SEMA5A: variants seen among roughly 807,000 people sequenced by gnomAD.
SEMA5A encodes semaphorin-5A.
Under a neutral mutation model 135.5 loss-of-function variants are expected in SEMA5A, and 55 were observed. The observed-to-expected ratio is 0.41, with a 90% CI of 0.33 to 0.51. The LOEUF (loss-of-function observed/expected upper bound fraction) is 0.51. Among genes scored for constraint, SEMA5A ranks in the 20% least tolerant of loss-of-function variants. The pLI, the probability that SEMA5A is intolerant of heterozygous loss-of-function variation, is 0.37. For synonymous variants in SEMA5A, 580 were observed against 546.5 expected (o/e 1.06, Z -0.85); for missense variants, 1,290 against 1,419.9 (o/e 0.91, Z 1.47).
Position 9,048,981 on chromosome 5 carries a change from T to C in SEMA5A, c.2893+1429A>G, listed in dbSNP as rs140667522. Among the ~76,000 whole-genome samples, 922 of 152,252 alleles carry C rather than the reference T, an allele frequency of 6.1e-3. 3 individuals are homozygous for C. Among genetic ancestry groups the C allele is most frequent in the Non-Finnish European group, 9.0e-3 (613 of 68,022 alleles). The stretch of plus-strand genomic sequence containing the variant: ...TGGGGTCTCTGATGATATGATTGCT[T>C]GTCAGAGGGGCTGGGACTGCGTGGG... On this transcript the variant is annotated intron_variant, in intron 21 of 22. Transcript: ENST00000382496.
At chr5:9,362,100 G>A (rs190691598) in intron 3 of SEMA5A, among the ~76,000 whole-genome samples, 40 of 152,184 alleles carry the variant, frequency 2.6e-4, no homozygotes, top group Non-Finnish European at 5.0e-4. Flanking sequence ...CGTCTTGGGG[G>A]GTGAATCTGC....
intron 2 of SEMA5A, among the ~76,000 whole-genome samples, chr5:9,416,992 C>A (rs1298741736): frequency 6.6e-6 from 1 of 152,174 alleles, no homozygotes; most frequent in Admixed American, 6.5e-5. Context: ...ATTGGTAAGA[C>A]CAGAATCTCT....
At chr5:9,256,161 A>G (rs1327163788) in intron 5 of SEMA5A, among the ~76,000 whole-genome samples, 2 of 152,078 alleles carry the variant, frequency 1.3e-5, no homozygotes, top group African/African-American at 4.8e-5. Context: ...TTCCTCTATG[A>G]CTCACCCAAA....
chr5:9,268,315 A>T (rs187387173), intron 5 of SEMA5A, among the ~76,000 whole-genome samples: 35 of 152,262 alleles, frequency 2.3e-4, no homozygotes, highest in African/African-American at 7.9e-4. Flanking sequence ...AACCTAGAGA[A>T]TCAACTTCCA....
rs145913672 is a variant in SEMA5A at position 9,493,792 on chromosome 5, T to G, written c.-175+51792A>C. On this transcript the variant is annotated intron_variant, in intron 1 of 22. Coordinates refer to ENST00000382496, the MANE Select transcript of SEMA5A (RefSeq NM_003966.3). ...CTATCAGGAAGATGTCAGCAAAACA[T>G]GAAGTGACACACACCAGCAGCCTCT... is the stretch of plus-strand genomic sequence containing the variant. Among the ~76,000 whole-genome samples, 166 of 152,268 alleles carry G rather than the reference T, an allele frequency of 1.1e-3. 1 individual carries two copies. The highest frequency in any genetic ancestry group is 0.01 in the Admixed American group (153 of 15,282).
intron 3 of SEMA5A, among the ~76,000 whole-genome samples, chr5:9,364,586 A>G (rs780026713): frequency 6.6e-6 from 1 of 152,210 alleles, no homozygotes; most frequent in East Asian, 1.9e-4. Flanking sequence ...ATATTATTTA[A>G]TCAGACCAAA....
intron 3 of SEMA5A, among the ~76,000 whole-genome samples, chr5:9,346,439 C>T (rs1449451256): frequency 6.6e-6 from 1 of 152,280 alleles, no homozygotes; most frequent in South Asian, 2.1e-4. Flanking sequence ...CACAAAAGGG[C>T]CTGCTGAGCT....
chr5:9,394,788 T>C (rs553866612), intron 2 of SEMA5A, among the ~76,000 whole-genome samples: 1 of 152,236 alleles, frequency 6.6e-6, no homozygotes, highest in East Asian at 1.9e-4. Flanking sequence ...TTATAAGTAG[T>C]ATGGCACATC....
intron 3 of SEMA5A, among the ~76,000 whole-genome samples, chr5:9,358,576 T>C (rs2126356407): frequency 6.6e-6 from 1 of 152,350 alleles, no homozygotes; most frequent in East Asian, 1.9e-4. Flanking sequence ...GGTGCGCTGC[T>C]ATGTCCTACA....
At position 9,533,347 on chromosome 5, in the gene SEMA5A, C is replaced by T. The variant is rs537257558; in HGVS notation, c.-175+12237G>A. Among the ~76,000 whole-genome samples the T allele has an allele frequency of 5.3e-5, 8 of 152,256 alleles. No individual in the cohort carries two copies. In the South Asian group the frequency reaches 1.0e-3, roughly 20 times the overall value. Reference sequence around the variant, plus strand: ...AGGAAAGGAGTCAAATTTCATGATACGGAATTTTCGAGTTTGTCCATAAGA... The same window carrying T: ...AGGAAAGGAGTCAAATTTCATGATATGGAATTTTCGAGTTTGTCCATAAGA... On this transcript the variant is annotated intron_variant, in intron 1 of 22. Coordinates refer to ENST00000382496, the MANE Select transcript of SEMA5A (RefSeq NM_003966.3).
At chr5:9,158,245 T>C (rs1376620613) in intron 11 of SEMA5A, among the ~76,000 whole-genome samples, 1 of 152,158 alleles carries the variant, frequency 6.6e-6, no homozygotes, top group Non-Finnish European at 1.5e-5. Flanking sequence ...TATTAGTCAG[T>C]GTGAAGGTGA....
intron 12 of SEMA5A, among the ~76,000 whole-genome samples, chr5:9,142,430 T>A (rs554342370): frequency 2.6e-5 from 4 of 152,292 alleles, no homozygotes; most frequent in Non-Finnish European, 5.9e-5. Context: ...GTCCTTGGGC[T>A]CCACTAAAGA....
intron 9 of SEMA5A, 61 bp from the exon 10 acceptor site, chr5:9,197,364 C>G: frequency 6.3e-7 from 1 of 1,579,760 alleles, no homozygotes; most frequent in Middle Eastern, 2.2e-4. Context: ...GCTGACCTCC[C>G]CCTATGGACT....
chr5:9,161,316 G>T (rs1743242789), intron 11 of SEMA5A, among the ~76,000 whole-genome samples: 1 of 152,102 alleles, frequency 6.6e-6, no homozygotes, highest in African/African-American at 2.4e-5. Context: ...TGAGGTTTAG[G>T]AGGTAGGAAC....
intron 5 of SEMA5A, among the ~76,000 whole-genome samples, chr5:9,299,994 C>G (rs190242850): frequency 9.9e-4 from 150 of 151,988 alleles, no homozygotes; most frequent in African/African-American, 3.5e-3. Context: ...AAAACACGAA[C>G]AAAAAGAAAA....
intron 2 of SEMA5A, among the ~76,000 whole-genome samples, chr5:9,388,955 G>A (rs564498733): frequency 1.1e-4 from 16 of 152,006 alleles, no homozygotes; most frequent in Admixed American, 2.6e-4. Flanking sequence ...TTTCTCTTTC[G>A]TCCACTGCAA....
chr5:9,091,026 C>G (rs253633), intron 16 of SEMA5A, among the ~76,000 whole-genome samples: 82,671 of 151,960 alleles, frequency 0.54, 24,293 homozygotes, highest in African/African-American at 0.79. Context: ...TTTTTACCTT[C>G]AGTGCTTAGG....
intron 5 of SEMA5A, among the ~76,000 whole-genome samples, chr5:9,303,073 C>T (rs1751687646): frequency 6.6e-6 from 1 of 151,206 alleles, no homozygotes; most frequent in Non-Finnish European, 1.5e-5. Flanking sequence ...GTAAATTTAA[C>T]TTAAATACAC....
chr5:9,073,615 G>T (rs951375367), intron 16 of SEMA5A, among the ~76,000 whole-genome samples: 1 of 151,710 alleles, frequency 6.6e-6, no homozygotes, highest in Non-Finnish European at 1.5e-5. Context: ...GTGCAATCAG[G>T]AAAGAAAAAG....
Sources: gnomAD v4.1 joint callset for allele counts (sites outside exome capture counted in the v4.1 genomes callset) on GRCh38, gnomAD v4.1.1 for gene constraint, MANE v1.5 for transcripts, NCBI Gene and HGNC (gene_info 2026-07-23, HGNC 2026-07-21) for gene names.